Variants in SHISAL2A observed in about 807,000 individuals in gnomAD.
SHISAL2A encodes protein shisa-like-2A.
A neutral mutation model predicts 11.5 loss-of-function variants in SHISAL2A; 18 were observed. That is an observed-to-expected ratio of 1.57 (90% CI 1.08 to 2.33). The LOEUF is 2.33. Ranked by LOEUF, SHISAL2A falls within the 30% of genes most tolerant of loss-of-function variation. The probability of loss-of-function intolerance (pLI) is 0.00; values close to 1 mark genes in which losing one functional copy is unlikely to be tolerated. For synonymous variants in SHISAL2A, 94 were observed against 99.6 expected, an observed-to-expected ratio of 0.94 and a Z score of 0.34; for missense variants, 261 against 250.9, an observed-to-expected ratio of 1.04 and a Z score of -0.27.
chr1:52,643,792 G>T (rs1420066026), intron 2 of SHISAL2A, among the ~76,000 whole-genome samples: 1 of 152,046 alleles, frequency 6.6e-6, no homozygotes, highest in Non-Finnish European at 1.5e-5. Flanking sequence ...GATGGAGGTT[G>T]CAGTGAGCCG....
At chr1:52,667,428 A>C in exon 5 of SHISAL2A, 23 of 982,904 alleles carry the variant, frequency 2.3e-5, no homozygotes, top group Non-Finnish European at 2.8e-5. Context: ...CAACAACCAC[A>C]ATTGTAATTC....
At chr1:52,660,359 C>T (rs907963426), downstream of SHISAL2A, among the ~76,000 whole-genome samples, 3 of 152,150 alleles carry the variant, frequency 2.0e-5, no homozygotes, top group Non-Finnish European at 2.9e-5. Context: ...AATCAAGGCT[C>T]AGAGCCGGCT....
chr1:52,653,994 G>C (rs1361295273), intron 2 of SHISAL2A, among the ~76,000 whole-genome samples: 1 of 152,204 alleles, frequency 6.6e-6, no homozygotes, highest in Non-Finnish European at 1.5e-5. Context: ...ATGAGGACTT[G>C]AGCCAAGGTC....
intron 1 of SHISAL2A, among the ~76,000 whole-genome samples, chr1:52,642,011 G>C (rs988364771): frequency 6.6e-6 from 1 of 151,984 alleles, no homozygotes; most frequent in Non-Finnish European, 1.5e-5. Context: ...GGCTGAGGTG[G>C]GAGGATTGCT....
chr1:52,640,395 T>C (rs1203411375), intron 1 of SHISAL2A, among the ~76,000 whole-genome samples: 1 of 152,134 alleles, frequency 6.6e-6, no homozygotes, highest in Non-Finnish European at 1.5e-5. Context: ...ACCTGACACA[T>C]AGTAGGTACC....
chr1:52,649,454 G>A (rs1373401229), intron 2 of SHISAL2A, among the ~76,000 whole-genome samples: 2 of 152,172 alleles, frequency 1.3e-5, no homozygotes, highest in Non-Finnish European at 2.9e-5. Flanking sequence ...AGGGTGGGGT[G>A]GGGAGTGCCT....
chr1:52,636,929 T>G (rs746674143), intron 1 of SHISAL2A, among the ~76,000 whole-genome samples: 1 of 152,212 alleles, frequency 6.6e-6, no homozygotes, highest in Non-Finnish European at 1.5e-5. Flanking sequence ...TTCTGGGCAC[T>G]GTGCTGGCCC....
intron 4 of SHISAL2A, among the ~76,000 whole-genome samples, chr1:52,663,473 A>G (rs269321): frequency 0.29 from 43,791 of 152,090 alleles, 6,987 homozygotes; most frequent in Non-Finnish European, 0.36. Context: ...GAAAATCAGA[A>G]CATGTGGCCG....
chr1:52,664,491 G>A (rs12141997), intron 4 of SHISAL2A, among the ~76,000 whole-genome samples: 2 of 152,056 alleles, frequency 1.3e-5, no homozygotes, highest in Non-Finnish European at 2.9e-5. Context: ...GAGTAGCTGA[G>A]ATTACAGGCG....
At position 52,643,007 on chromosome 1, in the gene SHISAL2A, G is replaced by A; in HGVS notation, c.322+5G>A. On this transcript the variant is annotated splice_donor_5th_base_variant and intron_variant, in intron 2 of 2. Coordinates refer to ENST00000517870, the MANE Select transcript of SHISAL2A (RefSeq NM_001042693.3). The stretch of plus-strand genomic sequence containing the variant: ...GCTTGAGCTTACAGACAGCAGGTAA[G>A]GAAGTTGCCAGGTGATGTCCTTGTA... 1 of 1,613,984 alleles carries A rather than the reference G, an allele frequency of 6.2e-7. No individual in the cohort carries two copies. Among genetic ancestry groups the A allele is most frequent in the Non-Finnish European group, 8.5e-7 (1 of 1,179,954 alleles).
At chr1:52,647,194 A>G (rs564548405) in intron 2 of SHISAL2A, among the ~76,000 whole-genome samples, 8 of 152,294 alleles carry the variant, frequency 5.3e-5, no homozygotes, top group East Asian at 1.9e-4. Flanking sequence ...CATGAGTTCA[A>G]TGTTAATGAA....
At chr1:52,654,021 G>A (rs1303766370) in intron 2 of SHISAL2A, among the ~76,000 whole-genome samples, 1 of 152,150 alleles carries the variant, frequency 6.6e-6, no homozygotes, top group Non-Finnish European at 1.5e-5. Context: ...CTTCTGGAAG[G>A]CTTGGCTGGC....
chr1:52,662,425 A>G (rs1691925038), intron 4 of SHISAL2A, among the ~76,000 whole-genome samples: 1 of 151,158 alleles, frequency 6.6e-6, no homozygotes, highest in African/African-American at 2.4e-5. Flanking sequence ...GCTCACTGCA[A>G]CCTCCACCTC....
At chr1:52,643,419 A>G (rs927176542) in intron 2 of SHISAL2A, among the ~76,000 whole-genome samples, 1 of 152,222 alleles carries the variant, frequency 6.6e-6, no homozygotes, top group Admixed American at 6.5e-5. Context: ...CGTTTTTTTA[A>G]ATAATCTGAT....
chr1:52,663,342 C>T (rs963918057), intron 4 of SHISAL2A, among the ~76,000 whole-genome samples: 9 of 152,214 alleles, frequency 5.9e-5, no homozygotes, highest in South Asian at 2.1e-4. Flanking sequence ...CCAAGCACCT[C>T]CTCCGCCCTC....
chr1:52,642,763 T>C (rs1691395555), intron 1 of SHISAL2A, 100 bp from the exon 2 acceptor site: 4 of 1,226,604 alleles, frequency 3.3e-6, no homozygotes, highest in Non-Finnish European at 4.6e-6. Flanking sequence ...TACATTTTCT[T>C]CCCAGCAGGC....
intron 2 of SHISAL2A, among the ~76,000 whole-genome samples, chr1:52,646,996 A>AT (rs979125390): frequency 6.6e-5 from 10 of 151,122 alleles, no homozygotes; most frequent in African/African-American, 1.2e-4. Context: ...TGCCCAGCTA[A>AT]TTTTTTTTTG....
In SHISAL2A at chr1:52,633,448, G is replaced by A; in HGVS notation, c.-46G>A. 3 of 1,423,960 alleles carry A rather than the reference G, an allele frequency of 2.1e-6. No homozygotes were observed. Among genetic ancestry groups the A allele is most frequent in the African/African-American group, 1.5e-5 (1 of 66,038 alleles). 88.2% of individuals were successfully genotyped at this position (1,423,960 alleles called of 1,614,324 possible). A position where few individuals can be genotyped will look rare whatever the true frequency, so the allele number is the denominator to read the frequency against. On this transcript the variant is annotated 5_prime_UTR_variant, in exon 1 of 3. Transcript: ENST00000517870. The surrounding 1 kb of genome is among the most constrained non-coding windows in gnomAD (Gnocchi z 6.4). ...CTCGCTTCCCCGCCGGGCTCTAGCC[G>A]GCCGTCTGGTGGCCCGAGGTGGCGG...
At chr1:52,666,902 G>T (rs1315389564) in intron 4 of SHISAL2A, among the ~76,000 whole-genome samples, 1 of 152,174 alleles carries the variant, frequency 6.6e-6, no homozygotes, top group East Asian at 1.9e-4. Context: ...GATACTTGCT[G>T]ATCACCACTG....
Sources: allele counts gnomAD v4.1 joint callset (sites outside exome capture counted in the v4.1 genomes callset), GRCh38; gene constraint gnomAD v4.1.1; non-coding constraint Gnocchi (gnomAD v3.1); transcripts MANE v1.5; gene names NCBI Gene and HGNC (gene_info 2026-07-23, HGNC 2026-07-21).